SYT1: variants seen among roughly 807,000 people sequenced by gnomAD.
SYT1 encodes synaptotagmin 1.
Under a neutral mutation model 44.8 loss-of-function variants are expected in SYT1, and 8 were observed. The ratio of observed to expected loss-of-function variants is 0.18; its 90% confidence interval spans 0.10 to 0.32. SYT1 has a LOEUF of 0.32. Ranked by LOEUF, SYT1 falls within the 10% of genes least tolerant of loss-of-function variation. SYT1 has a pLI of 1.00. For synonymous variants in SYT1, 154 were observed against 188.8 expected (o/e 0.82, Z 1.51); for missense variants, 286 against 509.3 (o/e 0.56, Z 4.22).
intron 1 of SYT1, among the ~76,000 whole-genome samples, chr12:78,912,895 G>A (rs185417134): frequency 2.6e-5 from 4 of 151,898 alleles, no homozygotes; most frequent in Admixed American, 2.6e-4. Flanking sequence ...AAATACAAGT[G>A]AAAATGTCCA....
At chr12:79,244,120 G>A (rs1454519459) in intron 4 of SYT1, among the ~76,000 whole-genome samples, 1 of 151,972 alleles carries the variant, frequency 6.6e-6, no homozygotes, top group African/African-American at 2.4e-5. Flanking sequence ...TCCATTCTGG[G>A]CACTTTAACG....
chr12:79,341,734 T>C (rs1018364382), intron 8 of SYT1, among the ~76,000 whole-genome samples: 3 of 141,240 alleles, frequency 2.1e-5, no homozygotes, highest in Non-Finnish European at 4.5e-5. Context: ...AGTGGCATGA[T>C]CTCAGCTCAC....
At chr12:79,381,583 G>A (rs1325772221) in intron 9 of SYT1, among the ~76,000 whole-genome samples, 1 of 152,188 alleles carries the variant, frequency 6.6e-6, no homozygotes, top group Non-Finnish European at 1.5e-5. Flanking sequence ...ACTTTTACCT[G>A]TAGAGAAAAA....
intron 3 of SYT1, among the ~76,000 whole-genome samples, chr12:79,107,804 T>A (rs1041248182): frequency 6.6e-6 from 1 of 151,940 alleles, no homozygotes; most frequent in African/African-American, 2.4e-5. Flanking sequence ...TAATTTATTA[T>A]CAATTAAGAA....
chr12:79,165,460 A>G (rs1458743738), intron 3 of SYT1, among the ~76,000 whole-genome samples: 1 of 151,960 alleles, frequency 6.6e-6, no homozygotes, highest in African/African-American at 2.4e-5. Context: ...AATGTTCTTT[A>G]AGGACGGTAT....
At chr12:79,434,075 T>A (rs555126634) in intron 9 of SYT1, among the ~76,000 whole-genome samples, 1 of 152,362 alleles carries the variant, frequency 6.6e-6, no homozygotes, top group South Asian at 2.1e-4. Flanking sequence ...AGAAAAATGC[T>A]TTTCATTTAA....
chr12:79,402,309 C>A (rs1054041990), intron 9 of SYT1, among the ~76,000 whole-genome samples: 2 of 152,138 alleles, frequency 1.3e-5, no homozygotes, highest in African/African-American at 4.8e-5. Context: ...GTAAGTGCTG[C>A]CATGTAAACT....
intron 2 of SYT1, among the ~76,000 whole-genome samples, chr12:79,039,147 C>A (rs1169097019): frequency 1.3e-5 from 2 of 151,876 alleles, no homozygotes; most frequent in African/African-American, 4.8e-5. Context: ...GCTTTCTAGC[C>A]TCTGTCGAAG....
At chr12:79,300,800 T>TATATATATATAC in intron 8 of SYT1, among the ~76,000 whole-genome samples, 1 of 137,610 alleles carries the variant, frequency 7.3e-6, no homozygotes, top group Admixed American at 7.2e-5. Context: ...TATATATATA[T>TATATATATATAC]ATATATATAT....
intron 3 of SYT1, among the ~76,000 whole-genome samples, chr12:79,094,510 A>AGTTTT (rs1877993719): frequency 6.6e-6 from 1 of 151,906 alleles, no homozygotes; most frequent in Non-Finnish European, 1.5e-5. Context: ...ACAAACATAC[A>AGTTTT]GATAGGACAC....
chr12:79,135,499 A>G (rs11112911), intron 3 of SYT1, among the ~76,000 whole-genome samples: 15,618 of 152,196 alleles, frequency 0.1, 1,069 homozygotes, highest in African/African-American at 0.2. Context: ...TAGTTCATAA[A>G]TTATTTATTC....
intron 3 of SYT1, among the ~76,000 whole-genome samples, chr12:79,176,422 A>C (rs1871870888): frequency 6.6e-6 from 1 of 152,074 alleles, no homozygotes; most frequent in African/African-American, 2.4e-5. Context: ...GCAAAACTGA[A>C]GATAATGACC....
At position 79,355,898 on chromosome 12, in the gene SYT1, T is replaced by C. The variant is rs536644200; in HGVS notation, c.928+2279T>C. Among the ~76,000 whole-genome samples the C allele has an allele frequency of 3.3e-5, 5 of 152,196 alleles. No individual in the cohort carries two copies. The East Asian group carries it at 9.7e-4, about 30-fold the overall frequency. ...AACAGTGCAAAAGACCCTCCCCTCCTGCAGCTTGCATTCTAATGTAGGGAA... is the reference window on the plus strand; with the variant it reads ...AACAGTGCAAAAGACCCTCCCCTCCCGCAGCTTGCATTCTAATGTAGGGAA... On this transcript the variant is annotated intron_variant, in intron 9 of 10. Coordinates refer to ENST00000261205, the MANE Select transcript of SYT1 (RefSeq NM_005639.3).
rs1358509541 is a variant in SYT1 at position 79,196,169 on chromosome 12, G to GTTGTTGT, written c.-17-21332_-17-21326dup. Among the ~76,000 whole-genome samples, 38 of 71,386 alleles carry GTTGTTGT rather than the reference G, an allele frequency of 5.3e-4. No homozygotes were observed. The East Asian group carries it at 9.4e-3, about 18-fold the overall frequency. 46.8% of individuals were successfully genotyped at this position (71,386 alleles called of 152,430 possible). On this transcript the variant is annotated intron_variant, in intron 3 of 10. Coordinates refer to ENST00000261205, the MANE Select transcript of SYT1 (RefSeq NM_005639.3). ...TAATTCTGTTGTTGTTGTTGTTGTTGTTGTTGTTGTTGTTGTTGAGATGGA... is the reference window on the plus strand; with the variant it reads ...TAATTCTGTTGTTGTTGTTGTTGTTGTTGTTGTTTGTTGTTGTTGTTGTTGAGATGGA...
chr12:79,336,493 T>C (rs959981659), intron 8 of SYT1, among the ~76,000 whole-genome samples: 63 of 152,176 alleles, frequency 4.1e-4, no homozygotes, highest in African/African-American at 1.4e-3. Context: ...CTAACTGCAA[T>C]TCTTTGCCTT....
At chr12:79,137,537 A>G (rs1432775790) in intron 3 of SYT1, among the ~76,000 whole-genome samples, 1 of 152,246 alleles carries the variant, frequency 6.6e-6, no homozygotes, top group Non-Finnish European at 1.5e-5. Flanking sequence ...GTCATAAATT[A>G]GAAGAGACAA....
rs75393567 is a variant in SYT1, at chr12:79,062,118, A to T, written c.-18+14756A>T. Among the ~76,000 whole-genome samples, 270 of 152,236 alleles carry T rather than the reference A, an allele frequency of 1.8e-3. 1 individual carries two copies. The highest frequency in any genetic ancestry group is 6.2e-3 in the African/African-American group (257 of 41,554). ...ATCTCCCTCAAGGCTGCTCAATAAC[A>T]TGATCCATAATGACATTTTGTTGTT... is the stretch of plus-strand genomic sequence containing the variant. On this transcript the variant is annotated intron_variant, in intron 3 of 10. Coordinates refer to ENST00000261205, the MANE Select transcript of SYT1 (RefSeq NM_005639.3).
intron 2 of SYT1, among the ~76,000 whole-genome samples, chr12:79,014,159 A>G (rs549518671): frequency 6.6e-6 from 1 of 150,588 alleles, no homozygotes; most frequent in African/African-American, 2.5e-5. Context: ...AAAAAGAAAG[A>G]AAAAGGAAAA....
chr12:79,163,471 T>C (rs1871069367), intron 3 of SYT1, among the ~76,000 whole-genome samples: 1 of 152,104 alleles, frequency 6.6e-6, no homozygotes, highest in East Asian at 1.9e-4. Flanking sequence ...TGCCAAGCAC[T>C]ATGCTGTGCA....
Sources: gnomAD v4.1 joint callset for allele counts (sites outside exome capture counted in the v4.1 genomes callset) on GRCh38, gnomAD v4.1.1 for gene constraint, MANE v1.5 for transcripts, NCBI Gene and HGNC (gene_info 2026-07-23, HGNC 2026-07-21) for gene names.